The following COL12A1 variants were observed in gnomAD, a reference collection of about 807,000 sequenced individuals.
The protein encoded by COL12A1 is collagen type XII alpha 1 chain.
In COL12A1, 114 loss-of-function variants were observed where a neutral mutation model predicts 349.7. The ratio of observed to expected loss-of-function variants is 0.33; its 90% CI spans 0.28 to 0.38. The LOEUF is 0.38. Among genes scored for constraint, COL12A1 ranks in the 10% least tolerant of loss-of-function variants. The probability of loss-of-function intolerance (pLI) is 1.00; values close to 1 mark genes in which losing one functional copy is unlikely to be tolerated. For synonymous variants in COL12A1, 1,369 were observed against 1,329.0 expected, an observed-to-expected ratio of 1.03 and a Z score of -0.66; for missense variants, 3,284 against 3,756.9, an observed-to-expected ratio of 0.87 and a Z score of 3.29.
chr6:75,122,485 G>A lies in COL12A1; in HGVS notation c.6946+845C>T, dbSNP rs897466003. ...TGCATCATCCCTGCAATGTTGCTAT[G>A]AACCTAAAACTACTCTAGAAAATAA... On this transcript the variant is annotated intron_variant, in intron 43 of 65. Coordinates refer to ENST00000322507, the MANE Select transcript of COL12A1 (RefSeq NM_004370.6). 2.0e-5 allele frequency among the ~76,000 whole-genome samples: 3 copies of A among 151,976 alleles called. No homozygotes were observed. In the South Asian group the frequency reaches 6.2e-4, roughly 32 times the overall value.
chr6:75,163,214 T>A (rs1369985927), intron 14 of COL12A1, among the ~76,000 whole-genome samples: 1 of 152,128 alleles, frequency 6.6e-6, no homozygotes, highest in Admixed American at 6.5e-5. Context: ...CAAGCACACG[T>A]ATGTTTATTG....
Position 75,087,680 on chromosome 6 carries a change from A to AG in COL12A1, c.9077dup (p.Gly3027TrpfsTer19). ...GGATACCTGAGTTTCCAGGACGGCC[A>AG]GGGGGGCCAGGGGGACCTCTTGAAC... is the stretch of plus-strand genomic sequence containing the variant. On this transcript the variant is annotated frameshift_variant, in exon 65 of 66. Transcript: ENST00000322507. LOFTEE classifies it high-confidence loss of function. The AG allele has an allele frequency of 6.2e-7, 1 of 1,609,670 alleles. No individual in the cohort carries two copies. Among genetic ancestry groups the AG allele is most frequent in the Non-Finnish European group, 8.5e-7 (1 of 1,178,652 alleles).
intron 44 of COL12A1, among the ~76,000 whole-genome samples, chr6:75,120,461 G>T (rs1165397475): frequency 6.6e-6 from 1 of 152,132 alleles, no homozygotes; most frequent in African/African-American, 2.4e-5. Flanking sequence ...AAATGGGAAA[G>T]AAAAGGAGAG....
At chr6:75,099,164 C>A (rs542893829) in intron 58 of COL12A1, among the ~76,000 whole-genome samples, 2 of 152,150 alleles carry the variant, frequency 1.3e-5, no homozygotes, top group Non-Finnish European at 2.9e-5. Flanking sequence ...TTGACTTTAC[C>A]ATAGAAGTTT....
intron 39 of COL12A1, among the ~76,000 whole-genome samples, chr6:75,125,818 A>T (rs995155101): frequency 2.0e-5 from 3 of 152,066 alleles, no homozygotes; most frequent in Non-Finnish European, 4.4e-5. Flanking sequence ...GGATATATGG[A>T]AGATGCCCTA....
intron 14 of COL12A1, 33 bp downstream of exon 14, chr6:75,165,474 C>A (rs373004735): frequency 1.9e-6 from 3 of 1,603,486 alleles, no homozygotes; most frequent in Non-Finnish European, 2.6e-6. Context: ...GTAGCACCGG[C>A]ACACACCCAA....
At chr6:75,162,636 G>T in intron 14 of COL12A1, among the ~76,000 whole-genome samples, 1 of 152,136 alleles carries the variant, frequency 6.6e-6, no homozygotes, top group Non-Finnish European at 1.5e-5. Context: ...AAAAGCAATG[G>T]CAATAAAAGC....
At chr6:75,089,051 G>T in intron 64 of COL12A1, 55 bp downstream of exon 64, 2 of 1,230,256 alleles carry the variant, frequency 1.6e-6, no homozygotes, top group Non-Finnish European at 2.4e-6. Context: ...CTTCGGGATG[G>T]TGTGCCCTCT....
At chr6:75,100,132 G>A (rs766711150) in intron 58 of COL12A1, among the ~76,000 whole-genome samples, 1 of 152,156 alleles carries the variant, frequency 6.6e-6, no homozygotes, top group Non-Finnish European at 1.5e-5. Flanking sequence ...TCCCAGGGTG[G>A]CCTCACCACA....
chr6:75,164,347 A>C (rs1173937632), intron 14 of COL12A1, among the ~76,000 whole-genome samples: 1 of 152,166 alleles, frequency 6.6e-6, no homozygotes, highest in Non-Finnish European at 1.5e-5. Context: ...ACTTAACTGA[A>C]ATTGCTCATG....
rs112113186 is a variant in COL12A1, at chr6:75,098,614, G to A, written c.8524-1308C>T. Reference sequence around the variant, plus strand: ...GTCAGGGCTGCAGTGAGCTGTGATCGCACCACTGCACTCCAGCCTGGGTGA... The same window carrying A: ...GTCAGGGCTGCAGTGAGCTGTGATCACACCACTGCACTCCAGCCTGGGTGA... On this transcript the variant is annotated intron_variant, in intron 58 of 65. Coordinates refer to ENST00000322507, the MANE Select transcript of COL12A1 (RefSeq NM_004370.6). 3.7e-3 allele frequency among the ~76,000 whole-genome samples: 558 copies of A among 152,208 alleles called. 4 individuals are homozygous for A. Among genetic ancestry groups the A allele is most frequent in the East Asian group, 0.012 (60 of 5,184 alleles).
chr6:75,157,004 C>T (rs1313351521), intron 14 of COL12A1, among the ~76,000 whole-genome samples: 2 of 152,094 alleles, frequency 1.3e-5, no homozygotes, highest in African/African-American at 2.4e-5. Context: ...GATTGCCACG[C>T]ACATCTCAGA....
intron 9 of COL12A1, 76 bp downstream of exon 9, chr6:75,183,778 A>G (rs1016126478): frequency 2.4e-5 from 37 of 1,560,896 alleles, no homozygotes; most frequent in Non-Finnish European, 3.2e-5. Context: ...ATTCAAAACT[A>G]AGTCCAAACA....
intron 14 of COL12A1, among the ~76,000 whole-genome samples, chr6:75,157,954 G>T (rs1251148680): frequency 6.6e-6 from 1 of 152,110 alleles, no homozygotes; most frequent in African/African-American, 2.4e-5. Context: ...AACTGAAACA[G>T]TTTAAAAGCA....
intron 58 of COL12A1, 26 bp from the exon 59 acceptor site, chr6:75,097,332 AGTTAGG>A: frequency 6.3e-7 from 1 of 1,598,306 alleles, no homozygotes. Context: ...AAGTAATTAC[AGTTAGG>A]GAGGTCATAA....
rs1582069073 is a variant in COL12A1, at chr6:75,113,271, C to G, written c.7883G>C (p.Gly2628Ala). 2.6e-6 allele frequency: 4 copies of G among 1,558,754 alleles called. No homozygotes were observed. The highest frequency in any genetic ancestry group is 1.2e-5 in the South Asian group (1 of 80,536). ...TLSFFNKDTRGEVQTVTFDTE... is the reference protein window; with the variant it reads ...TLSFFNKDTRAEVQTVTFDTE... ...GTCAAATGTAACAGTTTGCACCTCG[C>G]CTCTTGTATCCTTGTTAAAGAATGA... Residue 2628 changes from glycine (G) to alanine (A), a missense_variant, in exon 51 of 66, where the codon GGC becomes GCC. This residue lies in a region of COL12A1 where 683 missense variants were observed against 932.1 expected (regional missense o/e 0.73). Transcript: ENST00000322507.
chr6:75,087,415 G>C, intron 65 of COL12A1, 162 bp downstream of exon 65: 1 of 630,954 alleles, frequency 1.6e-6, no homozygotes, highest in Non-Finnish European at 2.6e-6. Context: ...AAATAATGTT[G>C]TGTGCTATGA....
At position 75,183,424 on chromosome 6, in the gene COL12A1, G is replaced by C. The variant is rs189762594; in HGVS notation, c.1517C>G (p.Ala506Gly). Residue 506 changes from alanine (A) to glycine (G), a missense_variant, in exon 10 of 66, where the codon GCA becomes GGA. Physicochemically the swap from Ala to Gly is moderately conservative, Grantham distance 60 (BLOSUM62 0). Coordinates refer to ENST00000322507, the MANE Select transcript of COL12A1 (RefSeq NM_004370.6). ...TCCTCTGTAAGGGAAGGTGTTTATT[G>C]CTTCAATTATATCTTCAACTTTGGT... ...KFTKVEDIIE[A>G]INTFPYRGGS... 179 of 1,614,176 alleles carry C rather than the reference G, an allele frequency of 1.1e-4. No individual in the cohort carries two copies. The African/African-American group carries it at 2.1e-3, about 19-fold the overall frequency.
At chr6:75,093,507 AAAG>A (rs1767868065) in intron 60 of COL12A1, among the ~76,000 whole-genome samples, 1 of 152,218 alleles carries the variant, frequency 6.6e-6, no homozygotes, top group Non-Finnish European at 1.5e-5. Context: ...GGGAAGAAAA[AAAG>A]AGGAAATTTG....
Sources: gnomAD v4.1 joint callset for allele counts (sites outside exome capture counted in the v4.1 genomes callset) on GRCh38, gnomAD v4.1.1 for gene constraint, gnomAD v4.1.1 regional missense constraint, MANE v1.5 for transcripts, NCBI Gene and HGNC (gene_info 2026-07-23, HGNC 2026-07-21) for gene names.